MYCBP2: variants seen among roughly 807,000 people sequenced by gnomAD.
MYCBP2 encodes MYC binding protein 2, also known as E3 ubiquitin-protein ligase MYCBP2.
In MYCBP2, 120 loss-of-function variants were observed where a neutral mutation model predicts 525.3. The ratio of observed to expected loss-of-function variants is 0.23; its 90% confidence interval spans 0.20 to 0.27. The LOEUF (loss-of-function observed/expected upper bound fraction) is 0.27. Among genes scored for constraint, MYCBP2 ranks in the 10% least tolerant of loss-of-function variants. The pLI, the probability that MYCBP2 is intolerant of heterozygous loss-of-function variation, is 1.00. For synonymous variants in MYCBP2, 1,894 were observed against 1,955.8 expected (o/e 0.97, Z 0.83); for missense variants, 4,149 against 5,657.1 (o/e 0.73, Z 8.55).
chr13:77,060,257 T>A (rs1014935050), intron 76 of MYCBP2, among the ~76,000 whole-genome samples: 4 of 152,180 alleles, frequency 2.6e-5, no homozygotes, highest in African/African-American at 9.7e-5. Flanking sequence ...ATAATTAATA[T>A]CAATATATTG....
At chr13:77,077,480 A>T in intron 66 of MYCBP2, 93 bp from the exon 67 acceptor site, 1 of 1,454,860 alleles carries the variant, frequency 6.9e-7, no homozygotes, top group Non-Finnish European at 9.4e-7. Flanking sequence ...AGCTCAAATA[A>T]CAAAGAATTG....
Position 77,061,728 on chromosome 13 carries a change from T to C in MYCBP2, c.12837A>G (p.Gly4279=). 1 of 1,611,880 alleles carries C rather than the reference T, an allele frequency of 6.2e-7. No individual in the cohort carries two copies. The highest frequency in any genetic ancestry group is 8.5e-7 in the Non-Finnish European group (1 of 1,178,890). ...ATCTGTCACAGTCTGTACATAAATT[T>C]CCACAGACATTGCATAAAATGATTG... The part of the protein sequence containing the change: ...TAAIILCNVC[G]NLCTDCDRFL... Residue 4279 remains glycine, a synonymous_variant, in exon 75 of 83, where the codon GGA becomes GGG. Coordinates refer to ENST00000544440, the MANE Select transcript of MYCBP2 (RefSeq NM_015057.5).
At chr13:77,139,388 G>A (rs776844326) in intron 51 of MYCBP2, 52 bp from the exon 52 acceptor site, 7 of 1,569,546 alleles carry the variant, frequency 4.5e-6, no homozygotes, top group African/African-American at 2.7e-5. Context: ...AGTCCTATGA[G>A]GCTAGCAAGG....
intron 17 of MYCBP2, among the ~76,000 whole-genome samples, chr13:77,236,202 TA>T (rs1567005464): frequency 6.6e-6 from 1 of 152,172 alleles, no homozygotes; most frequent in Non-Finnish European, 1.5e-5. Flanking sequence ...AAAAAGCTAT[TA>T]AAGAATTAAG....
chr13:77,224,785 A>C (rs553416649), intron 19 of MYCBP2, among the ~76,000 whole-genome samples: 1 of 152,282 alleles, frequency 6.6e-6, no homozygotes, highest in Non-Finnish European at 1.5e-5. Flanking sequence ...TAATAACATT[A>C]ATTCTTATTA....
chr13:77,052,954 C>A (rs1200912948), intron 80 of MYCBP2, among the ~76,000 whole-genome samples: 1 of 152,006 alleles, frequency 6.6e-6, no homozygotes, highest in Non-Finnish European at 1.5e-5. Flanking sequence ...CATGGCAAAA[C>A]CCATCTCTAT....
Position 77,067,733 on chromosome 13 carries a change from A to G in MYCBP2, c.12303T>C (p.Asn4101=). 1.2e-6 allele frequency: 2 copies of G among 1,614,130 alleles called. No homozygotes were observed. Among genetic ancestry groups the G allele is most frequent in the Non-Finnish European group, 8.5e-7 (1 of 1,180,020 alleles). The change falls in exon 71 of 83, where the codon AAT becomes AAC. Residue 4101 remains asparagine, a synonymous_variant. Coordinates refer to ENST00000544440, the MANE Select transcript of MYCBP2 (RefSeq NM_015057.5). ...GAAACATGTCCAAGATACCCAGCTT[A>G]TTCCAGTCTCCTTTCTCTGTTGAGT... is the stretch of plus-strand genomic sequence containing the variant. The part of the protein sequence containing the change: ...IIHSTEKGDW[N]KLGILDMFLG...
chr13:77,172,609 G>A (rs1027579042), intron 37 of MYCBP2, among the ~76,000 whole-genome samples: 6 of 152,156 alleles, frequency 3.9e-5, no homozygotes, highest in Non-Finnish European at 7.4e-5. Flanking sequence ...AAATATGGAA[G>A]TAGAAGAAAA....
chr13:77,179,882 C>T (rs574436852), intron 34 of MYCBP2, among the ~76,000 whole-genome samples: 8 of 152,070 alleles, frequency 5.3e-5, no homozygotes, highest in South Asian at 2.1e-4. Flanking sequence ...GGGCAGATGA[C>T]GACCTGCTCT....
At chr13:77,206,588 C>G in intron 24 of MYCBP2, 65 bp downstream of exon 24, 1 of 1,347,356 alleles carries the variant, frequency 7.4e-7, no homozygotes, top group Non-Finnish European at 9.8e-7. Flanking sequence ...TTTAAATACT[C>G]TAAAAAAAAA....
intron 18 of MYCBP2, among the ~76,000 whole-genome samples, chr13:77,229,645 A>G (rs1435509303): frequency 6.6e-6 from 1 of 152,218 alleles, no homozygotes; most frequent in African/African-American, 2.4e-5. Flanking sequence ...ACACACATAT[A>G]TTTTAATCTT....
At chr13:77,107,011 G>A (rs1185180600) in intron 55 of MYCBP2, among the ~76,000 whole-genome samples, 2 of 152,032 alleles carry the variant, frequency 1.3e-5, no homozygotes, top group African/African-American at 4.8e-5. Flanking sequence ...ACATACCTAC[G>A]TTTATGTATT....
intron 48 of MYCBP2, 119 bp from the exon 49 acceptor site, chr13:77,144,679 G>A (rs752161234): frequency 4.2e-6 from 3 of 708,172 alleles, no homozygotes; most frequent in Non-Finnish European, 7.6e-6. Context: ...CTACCACCCT[G>A]CCATAGTACG....
intron 1 of MYCBP2, among the ~76,000 whole-genome samples, chr13:77,314,700 A>AT (rs1305779956): frequency 6.6e-6 from 1 of 152,146 alleles, no homozygotes; most frequent in African/African-American, 2.4e-5. Flanking sequence ...GTCATTATAC[A>AT]TTTTTCTGAA....
chr13:77,144,219 G>T, intron 49 of MYCBP2: 1 of 505,518 alleles, frequency 2.0e-6, no homozygotes, highest in South Asian at 2.2e-5. Context: ...GGAAATGGAG[G>T]GAGAGAGTCA....
chr13:77,269,179 T>G (rs2074505007), intron 7 of MYCBP2, among the ~76,000 whole-genome samples: 1 of 152,232 alleles, frequency 6.6e-6, no homozygotes, highest in Non-Finnish European at 1.5e-5. Flanking sequence ...CCAGGGCTTT[T>G]CTTTCTCTCT....
At chr13:77,063,376 G>A (rs1264411965) in intron 73 of MYCBP2, among the ~76,000 whole-genome samples, 1 of 151,994 alleles carries the variant, frequency 6.6e-6, no homozygotes, top group Non-Finnish European at 1.5e-5. Flanking sequence ...TGACTAACAT[G>A]GTGAAACCCA....
intron 26 of MYCBP2, among the ~76,000 whole-genome samples, chr13:77,203,424 T>C (rs1299755361): frequency 1.3e-5 from 2 of 152,200 alleles, no homozygotes; most frequent in African/African-American, 2.4e-5. Flanking sequence ...GAACATCCCA[T>C]GCTCATGGGT....
At position 77,217,844 on chromosome 13, in the gene MYCBP2, A is replaced by G; in HGVS notation, c.3053T>C (p.Phe1018Ser). 6.3e-7 allele frequency: 1 copy of G among 1,595,868 alleles called. No homozygotes were observed. Among genetic ancestry groups the G allele is most frequent in the Non-Finnish European group, 8.5e-7 (1 of 1,171,604 alleles). The change falls in exon 21 of 83, where the codon TTT becomes TCT. Residue 1018 changes from phenylalanine (F) to serine (S), a missense_variant. Around this residue, in one of 21 missense-constraint regions of MYCBP2, gnomAD observed 620 missense variants for 795.5 expected, o/e 0.78. Transcript: ENST00000544440. Reference sequence around the variant, plus strand: ...AATGTTTTAAAAATTCCTTACAGAAAAACTTCCAAATGTGAAGACCTGTCC... The same window carrying G: ...AATGTTTTAAAAATTCCTTACAGAAGAACTTCCAAATGTGAAGACCTGTCC... ...MDGQVFTFGS[F>S]SKGQLGRPIL...
Sources: allele counts gnomAD v4.1 joint callset (sites outside exome capture counted in the v4.1 genomes callset), GRCh38; gene constraint gnomAD v4.1.1; regional missense constraint gnomAD v4.1.1; transcripts MANE v1.5; gene names NCBI Gene and HGNC (gene_info 2026-07-23, HGNC 2026-07-21).